The following PTPRCAP variants were observed in gnomAD, a reference collection of about 807,000 sequenced individuals.
The protein encoded by PTPRCAP is protein tyrosine phosphatase receptor type C-associated protein.
For missense variants in PTPRCAP, 294 were observed against 285.5 expected (o/e 1.03, Z -0.22); for synonymous variants, 136 against 135.8 (o/e 1.00, Z -0.01).
At chr11:67,437,592 G>A in intron 1 of PTPRCAP, 25 bp downstream of exon 1, 1 of 1,347,684 alleles carries the variant, frequency 7.4e-7, no homozygotes, top group Non-Finnish European at 9.6e-7. Flanking sequence ...CCCATCCCAA[G>A]AACCCGGGGG....
chr11:67,436,119 G>T lies in PTPRCAP; in HGVS notation c.235C>A (p.Arg79=), dbSNP rs200426997. The change falls in exon 2 of 2, where the codon CGG becomes AGG. Residue 79 remains arginine (R), a synonymous_variant. Coordinates refer to ENST00000326294, the MANE Select transcript of PTPRCAP (RefSeq NM_005608.3). Reference sequence around the variant, plus strand: ...GGGGGGCTGGCCCAGAGCAGGCGCCGCGTGCGGCCCCACAGCGCGGCACCT... The same window carrying T: ...GGGGGGCTGGCCCAGAGCAGGCGCCTCGTGCGGCCCCACAGCGCGGCACCT... The part of the protein sequence containing the change: ...RLGAALWGRT[R]RLLWASPPGR... The T allele has an allele frequency of 6.3e-7, 1 of 1,597,104 alleles. No homozygotes were observed. The highest frequency in any genetic ancestry group is 2.3e-5 in the East Asian group (1 of 44,254).
intron 1 of PTPRCAP, 152 bp from the exon 2 acceptor site, chr11:67,436,502 AC>A: frequency 1.1e-6 from 1 of 891,892 alleles, no homozygotes; most frequent in Non-Finnish European, 1.6e-6. Flanking sequence ...TATTTGGTCA[AC>A]CAGGCTCTGG....
chr11:67,436,466 C>T, intron 1 of PTPRCAP, 116 bp from the exon 2 acceptor site: 1 of 1,234,548 alleles, frequency 8.1e-7, no homozygotes, highest in Non-Finnish European at 1.1e-6. Flanking sequence ...CCTCTTGGGA[C>T]AGCCAAGCAG....
At position 67,437,638 on chromosome 11, in the gene PTPRCAP, G is replaced by T. The variant is rs1191485780; in HGVS notation, c.-19C>A. On this transcript the variant is annotated 5_prime_UTR_variant, in exon 1 of 2. Transcript: ENST00000326294. The stretch of plus-strand genomic sequence containing the variant: ...TTACCATTGGTCCGCAGGCCCCTCC[G>T]TGCCGGGCACCCACCTCCAGCTCTG... The T allele has an allele frequency of 2.2e-6, 3 of 1,366,532 alleles. No individual in the cohort carries two copies. Among genetic ancestry groups the T allele is most frequent in the East Asian group, 5.5e-5 (2 of 36,220 alleles). The allele number at this position is 1,366,532 out of a possible 1,614,324, so 84.7% of individuals were successfully genotyped here. A position where few individuals can be genotyped will look rare whatever the true frequency, so the allele number is the denominator to read the frequency against.
chr11:67,436,662 G>A (rs1864289576), intron 1 of PTPRCAP: 1 of 315,688 alleles, frequency 3.2e-6, no homozygotes, highest in Admixed American at 4.6e-5. Flanking sequence ...CCTCCCCCGG[G>A]CTGCATGGCC....
At position 67,436,228 on chromosome 11, in the gene PTPRCAP, C is replaced by T; in HGVS notation, c.126G>A (p.Leu42=). Residue 42 remains leucine (L), a synonymous_variant, in exon 2 of 2, where the codon CTG becomes CTA. Transcript: ENST00000326294. ...SSVTVVLLLL[L]LLLLATGLAL... ...CTAGGCCAGTGGCCAGCAGTAGGAGCAGCAGCAGCAGCAGGACAACGGTGA... is the reference window on the plus strand; with the variant it reads ...CTAGGCCAGTGGCCAGCAGTAGGAGTAGCAGCAGCAGCAGGACAACGGTGA... 1 of 1,536,874 alleles carries T rather than the reference C, an allele frequency of 6.5e-7. No homozygotes were observed.
Position 67,436,129 on chromosome 11 carries a change from C to A in PTPRCAP, c.225G>T (p.Trp75Cys), listed in dbSNP as rs1478090421. The A allele has an allele frequency of 1.3e-6, 2 of 1,588,484 alleles. No homozygotes were observed. The highest frequency in any genetic ancestry group is 8.6e-7 in the Non-Finnish European group (1 of 1,167,376). ...YHPARLGAALWGRTRRLLWAS... is the reference protein window; with the variant it reads ...YHPARLGAALCGRTRRLLWAS... ...CCCAGAGCAGGCGCCGCGTGCGGCCCCACAGCGCGGCACCTAGGCGGGCCG... is the reference window on the plus strand; with the variant it reads ...CCCAGAGCAGGCGCCGCGTGCGGCCACACAGCGCGGCACCTAGGCGGGCCG... Residue 75 changes from tryptophan (W) to cysteine (C), a missense_variant, in exon 2 of 2, where the codon TGG becomes TGT. Trp to Cys is a radical substitution (Grantham distance 215). Transcript: ENST00000326294.
At position 67,437,670 on chromosome 11, in the gene PTPRCAP, TCGAGC is replaced by T. The variant is rs753399697; in HGVS notation, c.-56_-52del. The T allele has an allele frequency of 2.3e-5, 31 of 1,351,662 alleles. No individual in the cohort carries two copies. The highest frequency in any genetic ancestry group is 3.0e-5 in the Non-Finnish European group (31 of 1,042,948). 83.7% of individuals were successfully genotyped at this position (1,351,662 alleles called of 1,614,324 possible). ...GCACCCACCTCCAGCTCTGGCTGTGTCGAGCGAGAAGTGAGCTCAGTGCTCGTCTG... is the reference window on the plus strand; with the variant it reads ...GCACCCACCTCCAGCTCTGGCTGTGTGAGAAGTGAGCTCAGTGCTCGTCTG... On this transcript the variant is annotated 5_prime_UTR_variant, in exon 1 of 2. Transcript: ENST00000326294.
rs760811933 is a variant in PTPRCAP at position 67,435,728 on chromosome 11, G to T, written c.*5C>A. 1.3e-6 allele frequency: 2 copies of T among 1,513,850 alleles called. No homozygotes were observed. The highest frequency in any genetic ancestry group is 8.8e-7 in the Non-Finnish European group (1 of 1,134,328). 93.8% of individuals were successfully genotyped at this position (1,513,850 alleles called of 1,614,324 possible). A position where few individuals can be genotyped will look rare whatever the true frequency, so the allele number is the denominator to read the frequency against. ...GTGACAGGGATGGGACACCAAGACC[G>T]GCCTCTACAGTGCGGTGACATGGAG... On this transcript the variant is annotated 3_prime_UTR_variant, in exon 2 of 2. Transcript: ENST00000326294.
In PTPRCAP at chr11:67,436,603, G is replaced by A. The variant is rs141833894; in HGVS notation, c.4-253C>T. On this transcript the variant is annotated intron_variant, in intron 1 of 1. Coordinates refer to ENST00000326294, the MANE Select transcript of PTPRCAP (RefSeq NM_005608.3). Reference sequence around the variant, plus strand: ...ATTAAGCCACCTGCCTGGGGCCTTCGCACTGGCTGTTCCCTCTGCCCGGAA... The same window carrying A: ...ATTAAGCCACCTGCCTGGGGCCTTCACACTGGCTGTTCCCTCTGCCCGGAA... The A allele has an allele frequency of 1.1e-3, 459 of 411,378 alleles. 7 individuals carry two copies. The East Asian group carries it at 0.016, about 14-fold the overall frequency. The allele number at this position is 411,378 out of a possible 1,614,324, so 25.5% of individuals were successfully genotyped here. A position where few individuals can be genotyped will look rare whatever the true frequency, so the allele number is the denominator to read the frequency against.
rs552124465 is a variant in PTPRCAP at position 67,435,691 on chromosome 11, G to A, written c.*42C>T. The A allele has an allele frequency of 2.7e-5, 41 of 1,497,614 alleles. No homozygotes were observed. The highest frequency in any genetic ancestry group is 9.0e-5 in the Admixed American group (4 of 44,216). 92.8% of individuals were successfully genotyped at this position (1,497,614 alleles called of 1,614,324 possible). ...GCATCTTGGGAAGCAGAGGCACGGGGAGTGAGCGGCTGTGACAGGGATGGG... is the reference window on the plus strand; with the variant it reads ...GCATCTTGGGAAGCAGAGGCACGGGAAGTGAGCGGCTGTGACAGGGATGGG... On this transcript the variant is annotated 3_prime_UTR_variant, in exon 2 of 2. Transcript: ENST00000326294.
chr11:67,437,632 C>A lies in PTPRCAP; in HGVS notation c.-13G>T. ...CGAGGCTTACCATTGGTCCGCAGGCCCCTCCGTGCCGGGCACCCACCTCCA... is the reference window on the plus strand; with the variant it reads ...CGAGGCTTACCATTGGTCCGCAGGCACCTCCGTGCCGGGCACCCACCTCCA... On this transcript the variant is annotated 5_prime_UTR_variant, in exon 1 of 2. Coordinates refer to ENST00000326294, the MANE Select transcript of PTPRCAP (RefSeq NM_005608.3). The A allele has an allele frequency of 7.3e-7, 1 of 1,365,910 alleles. No homozygotes were observed. 84.6% of individuals were successfully genotyped at this position (1,365,910 alleles called of 1,614,324 possible).
At chr11:67,437,182 C>T (rs894506250) in intron 1 of PTPRCAP, 6 of 160,030 alleles carry the variant, frequency 3.7e-5, no homozygotes, top group Non-Finnish European at 8.2e-5. Context: ...CTGAGGGCCA[C>T]AGGCGTGCAG....
chr11:67,437,630 G>T lies in PTPRCAP; in HGVS notation c.-11C>A. On this transcript the variant is annotated 5_prime_UTR_variant, in exon 1 of 2. Transcript: ENST00000326294. ...TCCGAGGCTTACCATTGGTCCGCAG[G>T]CCCCTCCGTGCCGGGCACCCACCTC... 1 of 1,364,670 alleles carries T rather than the reference G, an allele frequency of 7.3e-7. No homozygotes were observed. Among genetic ancestry groups the T allele is most frequent in the Non-Finnish European group, 9.5e-7 (1 of 1,050,538 alleles). 84.5% of individuals were successfully genotyped at this position (1,364,670 alleles called of 1,614,324 possible).
rs1391029664 is a variant in PTPRCAP, at chr11:67,436,329, G to T, written c.25C>A (p.Leu9Ile). ...CCTGGCAGGGCCAGCAGCATCCCGAGCCCTAAGGTGCAGGGCAGAGCCTGT... is the reference window on the plus strand; with the variant it reads ...CCTGGCAGGGCCAGCAGCATCCCGATCCCTAAGGTGCAGGGCAGAGCCTGT... The part of the protein sequence containing the change: MALPCTLG[L>I]GMLLALPGAL... The change falls in exon 2 of 2, where the codon CTC (leucine) becomes ATC (isoleucine). Residue 9 changes from leucine (L) to isoleucine (I), a missense_variant. By Grantham distance (5) the Leu-to-Ile change is conservative. Coordinates refer to ENST00000326294, the MANE Select transcript of PTPRCAP (RefSeq NM_005608.3). The T allele has an allele frequency of 1.3e-6, 2 of 1,502,042 alleles. No individual in the cohort carries two copies. Among genetic ancestry groups the T allele is most frequent in the African/African-American group, 1.4e-5 (1 of 72,092 alleles). 93.0% of individuals were successfully genotyped at this position (1,502,042 alleles called of 1,614,324 possible). A position where few individuals can be genotyped will look rare whatever the true frequency, so the allele number is the denominator to read the frequency against.
In PTPRCAP at chr11:67,435,796, G is replaced by A. The variant is rs774377339; in HGVS notation, c.558C>T (p.Ser186=). The A allele has an allele frequency of 5.0e-6, 8 of 1,592,086 alleles. No individual in the cohort carries two copies. Among genetic ancestry groups the A allele is most frequent in the Middle Eastern group, 3.4e-4 (2 of 5,942 alleles). ...CCCTGGCGCTGTCATCCCAGGCTGC[G>A]CTGCCAGCAAAGGCGTGCAGGTCAC... The part of the protein sequence containing the change: ...LLSDLHAFAG[S]AAWDDSARAA... Residue 186 remains serine, a synonymous_variant, in exon 2 of 2, where the codon AGC becomes AGT. Coordinates refer to ENST00000326294, the MANE Select transcript of PTPRCAP (RefSeq NM_005608.3).
rs1281517246 is a variant in PTPRCAP, at chr11:67,436,108, G to A, written c.246C>T (p.Leu82=). 4 of 1,604,860 alleles carry A rather than the reference G, an allele frequency of 2.5e-6. No individual in the cohort carries two copies. The highest frequency in any genetic ancestry group is 3.4e-6 in the Non-Finnish European group (4 of 1,175,786). The change falls in exon 2 of 2, where the codon CTC becomes CTT. Residue 82 remains leucine, a synonymous_variant. Transcript: ENST00000326294. ...AALWGRTRRL[L]WASPPGRWLQ... Reference sequence around the variant, plus strand: ...GCCAGCGACCTGGGGGGCTGGCCCAGAGCAGGCGCCGCGTGCGGCCCCACA... The same window carrying A: ...GCCAGCGACCTGGGGGGCTGGCCCAAAGCAGGCGCCGCGTGCGGCCCCACA...
intron 1 of PTPRCAP, chr11:67,436,759 C>T (rs906084003): frequency 1.6e-5 from 3 of 185,430 alleles, no homozygotes; most frequent in Non-Finnish European, 3.3e-5. Flanking sequence ...CCCACCCCAG[C>T]ACCCCCCAGC....
rs1467528625 is a variant in PTPRCAP at position 67,436,317 on chromosome 11, G to A, written c.37C>T (p.Leu13=). 4.0e-6 allele frequency: 6 copies of A among 1,513,852 alleles called. No individual in the cohort carries two copies. The highest frequency in any genetic ancestry group is 5.3e-6 in the Non-Finnish European group (6 of 1,133,304). The allele number at this position is 1,513,852 out of a possible 1,614,324, so 93.8% of individuals were successfully genotyped here. A position where few individuals can be genotyped will look rare whatever the true frequency, so the allele number is the denominator to read the frequency against. ...LPCTLGLGML[L]ALPGALGSGG... ...GAGCCCAAGGCCCCTGGCAGGGCCA[G>A]CAGCATCCCGAGCCCTAAGGTGCAG... The change falls in exon 2 of 2, where the codon CTG becomes TTG. Residue 13 remains leucine (L), a synonymous_variant. Coordinates refer to ENST00000326294, the MANE Select transcript of PTPRCAP (RefSeq NM_005608.3).
Sources: allele counts gnomAD v4.1 joint callset, GRCh38; gene constraint gnomAD v4.1.1; transcripts MANE v1.5; gene names NCBI Gene and HGNC (gene_info 2026-07-23, HGNC 2026-07-21).